The following PTPRK variants were observed in gnomAD, a reference collection of about 807,000 sequenced individuals.
The protein encoded by PTPRK is protein tyrosine phosphatase receptor type K, also known as receptor-type tyrosine-protein phosphatase kappa.
PTPRK carries 75 observed loss-of-function variants against 178.0 expected under a neutral mutation model. The ratio of observed to expected loss-of-function variants is 0.42; its 90% confidence interval spans 0.35 to 0.51. The LOEUF (loss-of-function observed/expected upper bound fraction) is 0.51. PTPRK is among the 20% of genes least tolerant of loss of function. The pLI is 0.02. For synonymous variants in PTPRK, 637 were observed against 620.6 expected (o/e 1.03, Z -0.39); for missense variants, 1,441 against 1,797.8 (o/e 0.80, Z 3.59).
chr6:128,234,203 A>C (rs985772849), intron 5 of PTPRK, among the ~76,000 whole-genome samples: 3 of 152,254 alleles, frequency 2.0e-5, no homozygotes, highest in Admixed American at 1.3e-4. Context: ...GAATGTAATC[A>C]AATCACTTGA....
At chr6:128,299,047 A>G (rs1376382135) in intron 3 of PTPRK, among the ~76,000 whole-genome samples, 1 of 152,210 alleles carries the variant, frequency 6.6e-6, no homozygotes, top group Non-Finnish European at 1.5e-5. Flanking sequence ...TCAATGTGCA[A>G]AAATCACAAG....
intron 15 of PTPRK, chr6:128,000,459 A>G: frequency 2.0e-6 from 1 of 498,852 alleles, no homozygotes; most frequent in Non-Finnish European, 2.9e-6. Flanking sequence ...ATTCCTAAAA[A>G]TACACTGAAT....
chr6:128,513,513 G>C (rs148690062), intron 1 of PTPRK, among the ~76,000 whole-genome samples: 3 of 149,166 alleles, frequency 2.0e-5, no homozygotes, highest in South Asian at 2.1e-4. Flanking sequence ...AAGAAAGAAA[G>C]AAATAAAGAA....
chr6:128,296,066 C>T (rs1824302596), intron 3 of PTPRK, among the ~76,000 whole-genome samples: 1 of 152,076 alleles, frequency 6.6e-6, no homozygotes, highest in Non-Finnish European at 1.5e-5. Flanking sequence ...AGGGCAAGTC[C>T]TTCGAAGCAA....
At chr6:128,350,684 A>C (rs747036444) in intron 2 of PTPRK, among the ~76,000 whole-genome samples, 7 of 152,222 alleles carry the variant, frequency 4.6e-5, no homozygotes, top group Non-Finnish European at 1.0e-4. Flanking sequence ...AATAACTTAA[A>C]GTAATGCAAA....
chr6:127,989,072 T>G (rs1484813626), intron 21 of PTPRK, among the ~76,000 whole-genome samples: 1 of 152,162 alleles, frequency 6.6e-6, no homozygotes, highest in South Asian at 2.1e-4. Context: ...CTGGGGTCAC[T>G]GGTCAGCAGT....
Position 128,009,171 on chromosome 6 carries a change from G to A in PTPRK, c.2292C>T (p.Phe764=). The change falls in exon 14 of 30, where the codon TTC becomes TTT. Residue 764 remains phenylalanine, a synonymous_variant. Coordinates refer to ENST00000368226, the MANE Select transcript of PTPRK (RefSeq NM_002844.4). ...ATATGACAACTAGGAGAAGGAGGAT[G>A]AACACCAAAATTCCAGCACTAATTC... The part of the protein sequence containing the change: ...IAGISAGILV[F]ILLLLVVILI... 1 of 1,608,626 alleles carries A rather than the reference G, an allele frequency of 6.2e-7. No individual in the cohort carries two copies. The highest frequency in any genetic ancestry group is 8.5e-7 in the Non-Finnish European group (1 of 1,176,616).
intron 3 of PTPRK, among the ~76,000 whole-genome samples, chr6:128,307,688 A>G (rs551487578): frequency 6.6e-6 from 1 of 152,252 alleles, no homozygotes; most frequent in East Asian, 1.9e-4. Flanking sequence ...AAGAAACACA[A>G]ATATCAGATA....
intron 7 of PTPRK, among the ~76,000 whole-genome samples, chr6:128,164,778 A>T (rs568553488): frequency 1.3e-5 from 2 of 151,378 alleles, no homozygotes; most frequent in East Asian, 3.9e-4. Flanking sequence ...AGGCCAGGGG[A>T]AAAGAACACT....
chr6:128,321,752 A>G (rs183628356), intron 3 of PTPRK: 1 of 690,380 alleles, frequency 1.4e-6, no homozygotes, highest in East Asian at 2.7e-5. Flanking sequence ...CAAATTTTGG[A>G]CCTAAACTTA....
intron 13 of PTPRK, among the ~76,000 whole-genome samples, chr6:128,040,066 A>G (rs1237599644): frequency 1.3e-5 from 2 of 152,182 alleles, no homozygotes; most frequent in Non-Finnish European, 2.9e-5. Context: ...TGGGAAAGCC[A>G]AGAGAAAATG....
chr6:128,023,324 CGCATAAATCACTTCT>C (rs2114769100), intron 13 of PTPRK, among the ~76,000 whole-genome samples: 1 of 152,272 alleles, frequency 6.6e-6, no homozygotes, highest in East Asian at 1.9e-4. Context: ...TCATTTTCTA[CGCATAAATCACTTCT>C]GATCTTAAAT....
chr6:128,405,002 A>T (rs948784258), intron 1 of PTPRK, among the ~76,000 whole-genome samples: 1 of 152,126 alleles, frequency 6.6e-6, no homozygotes, highest in African/African-American at 2.4e-5. Flanking sequence ...CATTCCATCC[A>T]TTTGGTAGCA....
At chr6:128,366,525 C>T (rs764686299) in intron 2 of PTPRK, among the ~76,000 whole-genome samples, 4 of 152,126 alleles carry the variant, frequency 2.6e-5, no homozygotes, top group African/African-American at 4.8e-5. Flanking sequence ...AGGGGTTACA[C>T]ATCTCAGACA....
At chr6:128,423,291 G>A (rs745884620) in intron 1 of PTPRK, among the ~76,000 whole-genome samples, 13 of 152,070 alleles carry the variant, frequency 8.5e-5, no homozygotes, top group East Asian at 1.9e-4. Flanking sequence ...ACATTTGTGC[G>A]GGTATACAAA....
chr6:128,385,507 T>A (rs6934873), intron 2 of PTPRK, among the ~76,000 whole-genome samples: 1 of 152,136 alleles, frequency 6.6e-6, no homozygotes, highest in African/African-American at 2.4e-5. Context: ...GGGAAGAACA[T>A]GGCAAGCTGT....
At chr6:128,508,580 C>T (rs937548987) in intron 1 of PTPRK, among the ~76,000 whole-genome samples, 5 of 152,010 alleles carry the variant, frequency 3.3e-5, no homozygotes, top group African/African-American at 1.2e-4. Flanking sequence ...TACAGTAGGA[C>T]CCCCTTACCC....
intron 2 of PTPRK, among the ~76,000 whole-genome samples, chr6:128,360,922 A>AAAT (rs1834655940): frequency 5.9e-5 from 9 of 152,246 alleles, no homozygotes; most frequent in African/African-American, 2.2e-4. Flanking sequence ...CTGTGTCATA[A>AAAT]TTCAGAAATA....
chr6:127,987,245 C>T (rs563170688), intron 21 of PTPRK, among the ~76,000 whole-genome samples: 2 of 141,582 alleles, frequency 1.4e-5, no homozygotes, highest in South Asian at 2.2e-4. Flanking sequence ...AAAAAAACAA[C>T]CCCCCCCATT....
Sources: allele counts gnomAD v4.1 joint callset (sites outside exome capture counted in the v4.1 genomes callset), GRCh38; gene constraint gnomAD v4.1.1; transcripts MANE v1.5; gene names NCBI Gene and HGNC (gene_info 2026-07-23, HGNC 2026-07-21).